PSG8: variants seen among roughly 807,000 people sequenced by gnomAD.
PSG8 encodes the protein pregnancy specific beta-1-glycoprotein 8, also known as pregnancy-specific beta-1-glycoprotein 8.
In PSG8, 57 loss-of-function variants were observed where a neutral mutation model predicts 42.5. The observed-to-expected ratio is 1.34, with a 90% CI of 1.08 to 1.67. PSG8 has a LOEUF of 1.67. Ranked by LOEUF, PSG8 falls within the 40% of genes most tolerant of loss-of-function variation. PSG8 has a pLI of 0.00. For missense variants in PSG8, 783 were observed against 518.6 expected, an observed-to-expected ratio of 1.51 and a Z score of -4.95; for synonymous variants, 280 against 196.8, an observed-to-expected ratio of 1.42 and a Z score of -3.54.
intron 1 of PSG8, 41 bp from the exon 2 acceptor site, chr19:42,764,322 G>T: frequency 6.3e-7 from 1 of 1,579,850 alleles, no homozygotes; most frequent in Non-Finnish European, 8.6e-7. Context: ...TGAGAGCTAT[G>T]TATTGGTGTG....
At chr19:42,756,223 A>C (rs1465399836) in intron 3 of PSG8, 1 of 152,172 alleles carries the variant, frequency 6.6e-6, no homozygotes, top group African/African-American at 2.4e-5. Flanking sequence ...CTACTCTCTG[A>C]TTCCCTGGAT....
intron 1 of PSG8, among the ~76,000 whole-genome samples, chr19:42,764,795 G>T (rs1970174227): frequency 6.6e-6 from 1 of 151,998 alleles, no homozygotes; most frequent in African/African-American, 2.4e-5. Flanking sequence ...GGATTTTTGT[G>T]ATCTTGGTTG....
chr19:42,764,998 G>C (rs1292553249), intron 1 of PSG8, among the ~76,000 whole-genome samples: 1 of 151,986 alleles, frequency 6.6e-6, no homozygotes, highest in Non-Finnish European at 1.5e-5. Flanking sequence ...AAAATGTGGT[G>C]GCCCCTGATG....
chr19:42,760,329 C>T lies in PSG8; in HGVS notation c.431-2049G>A, dbSNP rs756867099. Among the ~76,000 whole-genome samples, 30 of 152,282 alleles carry T rather than the reference C, an allele frequency of 2.0e-4. 1 individual carries two copies. The highest frequency in any genetic ancestry group is 3.7e-4 in the Non-Finnish European group (25 of 68,006). On this transcript the variant is annotated intron_variant, in intron 2 of 4. Coordinates refer to ENST00000306511, the MANE Select transcript of PSG8 (RefSeq NM_182707.3). ...GGCCACCTCCAACTGGTCCCCAAAA[C>T]CACCAGTATTCCCATTACATGTATG...
Position 42,765,604 on chromosome 19 carries a change from T to C in PSG8, c.-23A>G, listed in dbSNP as rs1343390676. The stretch of plus-strand genomic sequence containing the variant: ...CATGGTCTCTGCTGTCTGTGTGTTC[T>C]CCTCTGTGGAGATGAGCCTAGGATC... On this transcript the variant is annotated 5_prime_UTR_variant, in exon 1 of 5. Coordinates refer to ENST00000306511, the MANE Select transcript of PSG8 (RefSeq NM_182707.3). The C allele has an allele frequency of 3.7e-6, 6 of 1,608,284 alleles. No individual in the cohort carries two copies. Among genetic ancestry groups the C allele is most frequent in the Non-Finnish European group, 5.1e-6 (6 of 1,176,310 alleles).
At chr19:42,754,107 T>C (rs570294905), downstream of PSG8, 5 of 1,200,852 alleles carry the variant, frequency 4.2e-6, no homozygotes, top group Non-Finnish European at 5.8e-6. Context: ...TTGAAATCAA[T>C]GTTTTTCCTG....
downstream of PSG8, chr19:42,753,307 CT>C (rs1158002541): frequency 2.6e-6 from 2 of 780,224 alleles, no homozygotes; most frequent in African/African-American, 3.4e-5. Flanking sequence ...CAGAGTGGGT[CT>C]TTTTCTTAGC....
rs779332335 is a variant in PSG8 at position 42,758,280 on chromosome 19, A to T, written c.431T>A (p.Leu144Gln). The T allele has an allele frequency of 2.5e-6, 4 of 1,613,456 alleles. No homozygotes were observed. The highest frequency in any genetic ancestry group is 3.4e-6 in the Non-Finnish European group (4 of 1,179,770). Reference sequence around the variant, plus strand: ...GGAGATGGAGGGCTTGGGAGTCTCCACTGTGCAGAAAACAGAGAGAAGATT... The same window carrying T: ...GGAGATGGAGGGCTTGGGAGTCTCCTCTGTGCAGAAAACAGAGAGAAGATT... ...VTGHFTFTLY[L>Q]ETPKPSISSS... Residue 144 changes from leucine (L) to glutamine (Q), a missense_variant and splice_region_variant, in exon 3 of 5, where the codon CTG (leucine) becomes CAG (glutamine). Physicochemically the swap from Leu to Gln is moderately radical, Grantham distance 113. Coordinates refer to ENST00000306511, the MANE Select transcript of PSG8 (RefSeq NM_182707.3).
At chr19:42,755,464 G>A in intron 3 of PSG8, 198 bp from the exon 4 acceptor site, 2 of 1,179,818 alleles carry the variant, frequency 1.7e-6, no homozygotes, top group Non-Finnish European at 2.3e-6. Context: ...TCTGTCTTAG[G>A]GAAGCACAGA....
intron 2 of PSG8, among the ~76,000 whole-genome samples, chr19:42,761,399 C>A (rs1452499601): frequency 6.6e-6 from 1 of 152,156 alleles, no homozygotes; most frequent in Non-Finnish European, 1.5e-5. Context: ...TTTCTATAAT[C>A]CCTGACTGCT....
intron 4 of PSG8, 38 bp from the exon 5 acceptor site, chr19:42,754,625 T>G (rs370676957): frequency 1.3e-6 from 2 of 1,590,752 alleles, no homozygotes; most frequent in East Asian, 4.5e-5. Context: ...TGATGTCATC[T>G]GAGGGAAGGG....
At chr19:42,760,665 C>G (rs749202485) in intron 2 of PSG8, among the ~76,000 whole-genome samples, 6 of 151,998 alleles carry the variant, frequency 3.9e-5, no homozygotes, top group Non-Finnish European at 8.8e-5. Flanking sequence ...TCACTGCAAG[C>G]TCTGCCTCCT....
At chr19:42,756,477 G>T (rs1050957242) in intron 3 of PSG8, among the ~76,000 whole-genome samples, 2 of 152,112 alleles carry the variant, frequency 1.3e-5, no homozygotes, top group African/African-American at 4.8e-5. Context: ...GACATTTTTT[G>T]ATTCTGAAAT....
intron 2 of PSG8, among the ~76,000 whole-genome samples, chr19:42,760,665 C>T (rs749202485): frequency 1.3e-5 from 2 of 152,116 alleles, no homozygotes; most frequent in African/African-American, 4.8e-5. Context: ...TCACTGCAAG[C>T]TCTGCCTCCT....
chr19:42,755,158 C>T lies in PSG8; in HGVS notation c.818G>A (p.Trp273Ter). 6.2e-7 allele frequency: 1 copy of T among 1,611,862 alleles called. No individual in the cohort carries two copies. The highest frequency in any genetic ancestry group is 8.5e-7 in the Non-Finnish European group (1 of 1,179,786). ...EPKSENYTYI[W>*]WLNGQSLPVS... ...CGGGAGGCTCTGACCATTTAGCCACCAAATGTAGGTGTAGTTCTCACTCTT... is the reference window on the plus strand; with the variant it reads ...CGGGAGGCTCTGACCATTTAGCCACTAAATGTAGGTGTAGTTCTCACTCTT... The change falls in exon 4 of 5, where the codon TGG becomes TAG. Residue 273 changes from tryptophan to a stop codon, truncating the protein, a stop_gained. Transcript: ENST00000306511. LOFTEE classifies it high-confidence loss of function.
intron 1 of PSG8, among the ~76,000 whole-genome samples, chr19:42,764,928 A>T (rs1281974161): frequency 2.0e-5 from 3 of 151,790 alleles, no homozygotes; most frequent in Admixed American, 2.0e-4. Context: ...ACAGTGTTTC[A>T]TGCCCTGTGT....
At chr19:42,754,115 C>A, downstream of PSG8, 3 of 1,251,370 alleles carry the variant, frequency 2.4e-6, no homozygotes, top group Non-Finnish European at 2.2e-6. Context: ...AATGTTTTTC[C>A]TGCTTGGTCT....
intron 2 of PSG8, among the ~76,000 whole-genome samples, chr19:42,761,962 T>C: frequency 6.7e-6 from 1 of 149,308 alleles, no homozygotes; most frequent in African/African-American, 2.5e-5. Context: ...GAAAGAGCCC[T>C]GGATGGGAAT....
intron 4 of PSG8, 146 bp from the exon 5 acceptor site, chr19:42,754,733 C>A (rs1442000054): frequency 2.3e-6 from 3 of 1,312,166 alleles, no homozygotes; most frequent in Admixed American, 2.8e-5. Flanking sequence ...GAGCCGAATC[C>A]TCAGGTATTC....
Sources: gnomAD v4.1 joint callset for allele counts (sites outside exome capture counted in the v4.1 genomes callset) on GRCh38, gnomAD v4.1.1 for gene constraint, MANE v1.5 for transcripts, NCBI Gene and HGNC (gene_info 2026-07-23, HGNC 2026-07-21) for gene names.